TMPRSS11D: variants seen among roughly 807,000 people sequenced by gnomAD.
TMPRSS11D encodes the protein transmembrane serine protease 11D.
TMPRSS11D carries 32 observed loss-of-function variants against 44.4 expected under a neutral mutation model. The ratio of observed to expected loss-of-function variants is 0.72; its 90% CI spans 0.54 to 0.97. The LOEUF is 0.97. Among genes scored for constraint, TMPRSS11D ranks in the 50% least tolerant of loss-of-function variants. The pLI, the probability that TMPRSS11D is intolerant of heterozygous loss-of-function variation, is 0.00. For synonymous variants in TMPRSS11D, 179 were observed against 177.9 expected (o/e 1.01, Z -0.05); for missense variants, 446 against 502.6 (o/e 0.89, Z 1.08).
chr4:67,869,799 A>G (rs1253259714), intron 1 of TMPRSS11D, among the ~76,000 whole-genome samples: 1 of 152,238 alleles, frequency 6.6e-6, no homozygotes, highest in East Asian at 1.9e-4. Context: ...TTAAGCCATC[A>G]ATCAGTAGCT....
intron 5 of TMPRSS11D, 66 bp from the exon 6 acceptor site, chr4:67,835,187 T>C: frequency 7.1e-7 from 1 of 1,410,306 alleles, no homozygotes; most frequent in Non-Finnish European, 1.0e-6. Flanking sequence ...CATAATTTCT[T>C]AAAGTACAGT....
intron 1 of TMPRSS11D, among the ~76,000 whole-genome samples, chr4:67,877,036 T>C (rs1719207632): frequency 6.6e-6 from 1 of 152,164 alleles, no homozygotes; most frequent in Non-Finnish European, 1.5e-5. Flanking sequence ...TGTGGGTAGG[T>C]GACGGAGGAA....
chr4:67,867,975 C>A (rs1230268974), intron 1 of TMPRSS11D, among the ~76,000 whole-genome samples: 2 of 151,786 alleles, frequency 1.3e-5, no homozygotes, highest in East Asian at 3.9e-4. Context: ...GGGTATCTAC[C>A]CAAAGGAAAA....
chr4:67,832,832 A>G (rs781540311), intron 7 of TMPRSS11D, among the ~76,000 whole-genome samples: 1 of 151,956 alleles, frequency 6.6e-6, no homozygotes, highest in Admixed American at 6.6e-5. Context: ...TGTTTACATT[A>G]GTGTACTCAA....
chr4:67,857,310 TATATATATATATACACACAC>T (rs1399516578), intron 2 of TMPRSS11D, among the ~76,000 whole-genome samples: 295 of 2,324 alleles, frequency 0.13, 2 homozygotes, highest in African/African-American at 0.22. Context: ...TATATATATA[TATATATATATATACACACAC>T]ACACACACAC....
chr4:67,849,337 AAAG>A (rs1486095182), intron 3 of TMPRSS11D, among the ~76,000 whole-genome samples: 2 of 152,190 alleles, frequency 1.3e-5, no homozygotes, highest in Non-Finnish European at 2.9e-5. Context: ...CTAGAGTACA[AAAG>A]AATGTCTAGG....
intron 3 of TMPRSS11D, among the ~76,000 whole-genome samples, chr4:67,850,454 A>G (rs987827627): frequency 6.6e-6 from 1 of 152,104 alleles, no homozygotes; most frequent in Non-Finnish European, 1.5e-5. Flanking sequence ...TGTGTGGGAA[A>G]AAAAGGGTCC....
chr4:67,870,507 ACTACT>A (rs1191301493), intron 1 of TMPRSS11D, among the ~76,000 whole-genome samples: 1 of 152,156 alleles, frequency 6.6e-6, no homozygotes, highest in Non-Finnish European at 1.5e-5. Context: ...GACCTTGCTG[ACTACT>A]CTATTAAAAA....
At chr4:67,873,526 TTAAA>T (rs1420185943) in intron 1 of TMPRSS11D, among the ~76,000 whole-genome samples, 1 of 152,086 alleles carries the variant, frequency 6.6e-6, no homozygotes, top group Admixed American at 6.6e-5. Context: ...AATGCACAGG[TTAAA>T]TAAATAAAAA....
chr4:67,866,972 G>GA (rs554894303), intron 1 of TMPRSS11D, among the ~76,000 whole-genome samples: 97 of 150,752 alleles, frequency 6.4e-4, no homozygotes, highest in African/African-American at 2.2e-3. Context: ...CACAGAATTA[G>GA]AAAAAAAATC....
chr4:67,828,519 T>C (rs1458734346), intron 7 of TMPRSS11D, among the ~76,000 whole-genome samples: 1 of 152,104 alleles, frequency 6.6e-6, no homozygotes, highest in African/African-American at 2.4e-5. Flanking sequence ...TGAGAAACAA[T>C]AGACAACACC....
intron 1 of TMPRSS11D, among the ~76,000 whole-genome samples, chr4:67,879,743 C>T (rs1719276973): frequency 6.6e-6 from 1 of 151,942 alleles, no homozygotes; most frequent in East Asian, 1.9e-4. Flanking sequence ...AAACTATTTG[C>T]ACTGGGAAAA....
intron 2 of TMPRSS11D, among the ~76,000 whole-genome samples, chr4:67,858,788 T>C (rs957335511): frequency 1.3e-5 from 2 of 152,164 alleles, no homozygotes; most frequent in African/African-American, 4.8e-5. Flanking sequence ...TATGATATTA[T>C]TTAGTAAAAT....
At chr4:67,838,635 C>A (rs1473978886) in intron 4 of TMPRSS11D, among the ~76,000 whole-genome samples, 1 of 151,970 alleles carries the variant, frequency 6.6e-6, no homozygotes, top group African/African-American at 2.4e-5. Context: ...ATCTAAGTTT[C>A]TTCACATGTA....
chr4:67,842,048 G>T (rs1324990676), intron 4 of TMPRSS11D, among the ~76,000 whole-genome samples: 1 of 152,126 alleles, frequency 6.6e-6, no homozygotes, highest in African/African-American at 2.4e-5. Context: ...CAAATAACTA[G>T]CATGCATGCT....
At chr4:67,831,833 A>G (rs1717952998) in intron 7 of TMPRSS11D, among the ~76,000 whole-genome samples, 1 of 152,092 alleles carries the variant, frequency 6.6e-6, no homozygotes, top group South Asian at 2.1e-4. Flanking sequence ...CACTGCATAT[A>G]AAAATATTAA....
rs1717641424 is a variant in TMPRSS11D, at chr4:67,821,504, C to CTTAAAATTATTATTTT, written c.*817_*832dup. The CTTAAAATTATTATTTT allele has an allele frequency of 6.6e-6, 1 of 152,066 alleles. No homozygotes were observed. The highest frequency in any genetic ancestry group is 2.4e-5 in the African/African-American group (1 of 41,404). The allele number at this position is 152,066 out of a possible 1,614,324, so 9.4% of individuals were successfully genotyped here. ...CTTCCCGATGATTAAATTTTTCATT[C>CTTAAAATTATTATTTT]TTAAAATTATTATTTTGTTGTTAAA... On this transcript the variant is annotated 3_prime_UTR_variant, in exon 10 of 10. Coordinates refer to ENST00000283916, the MANE Select transcript of TMPRSS11D (RefSeq NM_004262.3).
chr4:67,868,575 A>G (rs1560548768), intron 1 of TMPRSS11D, among the ~76,000 whole-genome samples: 1 of 152,220 alleles, frequency 6.6e-6, no homozygotes, highest in Non-Finnish European at 1.5e-5. Flanking sequence ...GAAGAGGTAG[A>G]AGTGCAAAGT....
In TMPRSS11D at chr4:67,832,201, A is replaced by G. The variant is rs763954494; in HGVS notation, c.692+1003T>C. 3.3e-4 allele frequency among the ~76,000 whole-genome samples: 51 copies of G among 152,248 alleles called. No individual in the cohort carries two copies. In the Middle Eastern group the frequency reaches 0.014, roughly 41 times the overall value. On this transcript the variant is annotated intron_variant, in intron 7 of 9. Coordinates refer to ENST00000283916, the MANE Select transcript of TMPRSS11D (RefSeq NM_004262.3). The stretch of plus-strand genomic sequence containing the variant: ...GAAATAAGACTGGATTGATCTGCCT[A>G]TGGAAGGCTTTGTGTGTGTGATAAG...
Sources: allele counts gnomAD v4.1 joint callset (sites outside exome capture counted in the v4.1 genomes callset), GRCh38; gene constraint gnomAD v4.1.1; transcripts MANE v1.5; gene names NCBI Gene and HGNC (gene_info 2026-07-23, HGNC 2026-07-21).